CNTNAP2: variants seen among roughly 807,000 people sequenced by gnomAD.
CNTNAP2 encodes the protein contactin associated protein 2, also known as contactin-associated protein-like 2.
A neutral mutation model predicts 155.2 loss-of-function variants in CNTNAP2; 98 were observed. The observed-to-expected ratio is 0.63, with a 90% CI of 0.54 to 0.75. The LOEUF is 0.75. CNTNAP2 is among the 30% of genes least tolerant of loss of function. The pLI is 0.00. For synonymous variants in CNTNAP2, 651 were observed against 631.2 expected (o/e 1.03, Z -0.47); for missense variants, 1,727 against 1,688.1 (o/e 1.02, Z -0.40).
chr7:147,940,303 T>TAAAAAAAAAAAAAAAAAAAAAA (rs59484615), intron 14 of CNTNAP2: 1 of 91,694 alleles, frequency 1.1e-5, no homozygotes, highest in African/African-American at 3.8e-5. Flanking sequence ...CCTGTCTCTT[T>TAAAAAAAAAAAAAAAAAAAAAA]AAAAAAAAAA....
At chr7:146,484,193 G>C (rs932971185) in intron 1 of CNTNAP2, among the ~76,000 whole-genome samples, 1 of 152,154 alleles carries the variant, frequency 6.6e-6, no homozygotes, top group African/African-American at 2.4e-5. Context: ...ATATAGTCTA[G>C]GTGCGTAGTG....
chr7:148,409,830 TC>T (rs1563077696), intron 23 of CNTNAP2, among the ~76,000 whole-genome samples: 50 of 94,248 alleles, frequency 5.3e-4, no homozygotes, highest in Middle Eastern at 4.3e-3. Context: ...GGCGGGCGGA[TC>T]ACAAGGTCAG....
intron 3 of CNTNAP2, among the ~76,000 whole-genome samples, chr7:146,989,375 C>T (rs73463274): frequency 0.022 from 3,407 of 152,064 alleles, 111 homozygotes; most frequent in African/African-American, 0.078. Context: ...TGGCCAGTCA[C>T]TGGATACAGG....
chr7:147,263,337 G>A (rs536325899), intron 8 of CNTNAP2, among the ~76,000 whole-genome samples: 1 of 151,218 alleles, frequency 6.6e-6, no homozygotes, highest in African/African-American at 2.4e-5. Flanking sequence ...CTCCAGCCTG[G>A]GTGACAGAGG....
chr7:148,414,753 C>T (rs1481397595), intron 23 of CNTNAP2: 2 of 153,328 alleles, frequency 1.3e-5, no homozygotes, highest in African/African-American at 2.4e-5. Context: ...CAAACACCTT[C>T]AGCATGACCA....
At chr7:146,488,763 G>T (rs1797096164) in intron 1 of CNTNAP2, among the ~76,000 whole-genome samples, 1 of 152,068 alleles carries the variant, frequency 6.6e-6, no homozygotes, top group Non-Finnish European at 1.5e-5. Flanking sequence ...CAAGTAGCTG[G>T]GATTTCAGGC....
chr7:146,984,516 G>A (rs1038459361), intron 3 of CNTNAP2, among the ~76,000 whole-genome samples: 12 of 150,768 alleles, frequency 8.0e-5, no homozygotes, highest in Non-Finnish European at 5.9e-5. Flanking sequence ...CCCTTGGTGT[G>A]AAGAATGGCT....
chr7:146,335,553 A>C (rs1438110292), intron 1 of CNTNAP2, among the ~76,000 whole-genome samples: 5 of 152,144 alleles, frequency 3.3e-5, no homozygotes, highest in African/African-American at 1.2e-4. Context: ...TCTGTCTGAG[A>C]GCTACTGGAG....
At chr7:147,928,568 T>C (rs1800439178) in intron 14 of CNTNAP2, among the ~76,000 whole-genome samples, 1 of 152,138 alleles carries the variant, frequency 6.6e-6, no homozygotes, top group Non-Finnish European at 1.5e-5. Context: ...TGGGTAAAAA[T>C]GTCAGAAAAC....
At chr7:147,920,902 C>T (rs887195216) in intron 14 of CNTNAP2, among the ~76,000 whole-genome samples, 16 of 150,478 alleles carry the variant, frequency 1.1e-4, no homozygotes, top group Admixed American at 8.0e-4. Context: ...CTCTGCCTCC[C>T]GGGTTCAAGC....
chr7:146,648,164 G>A (rs909678115), intron 1 of CNTNAP2, among the ~76,000 whole-genome samples: 3 of 151,984 alleles, frequency 2.0e-5, no homozygotes, highest in Non-Finnish European at 4.4e-5. Context: ...ACCACTTCAG[G>A]GACTTAAATG....
At chr7:148,187,328 T>C (rs755155055) in intron 18 of CNTNAP2, among the ~76,000 whole-genome samples, 3 of 152,292 alleles carry the variant, frequency 2.0e-5, no homozygotes, top group Non-Finnish European at 2.9e-5. Context: ...TGTGACCAAA[T>C]AAATTCTTCT....
intron 1 of CNTNAP2, among the ~76,000 whole-genome samples, chr7:146,665,788 A>AAAAAAAAAAAAAAAAAAAAAAAAC (rs1328734569): frequency 1.1e-4 from 15 of 142,118 alleles, no homozygotes; most frequent in African/African-American, 4.1e-4. Context: ...CTCATTAAAA[A>AAAAAAAAAAAAAAAAAAAAAAAAC]AAAAAAAAAA....
chr7:148,320,742 C>T lies in CNTNAP2; in HGVS notation c.3475+53616C>T, dbSNP rs1458120463. ...CCACCTGTGCTAGACCCTGTGGTGA[C>T]AACAAAGGTGAAACAGACATGCTGA... is the stretch of plus-strand genomic sequence containing the variant. On this transcript the variant is annotated intron_variant, in intron 21 of 23. Transcript: ENST00000361727. Among the ~76,000 whole-genome samples, 3 of 151,924 alleles carry T rather than the reference C, an allele frequency of 2.0e-5. No individual in the cohort carries two copies. The East Asian group carries it at 5.8e-4, about 29-fold the overall frequency.
chr7:146,670,345 T>C (rs1800280553), intron 1 of CNTNAP2, among the ~76,000 whole-genome samples: 1 of 152,192 alleles, frequency 6.6e-6, no homozygotes, highest in South Asian at 2.1e-4. Flanking sequence ...CAATTTTGCC[T>C]GCACCTCATT....
intron 3 of CNTNAP2, among the ~76,000 whole-genome samples, chr7:146,841,174 T>C (rs1803714464): frequency 6.6e-6 from 1 of 152,184 alleles, no homozygotes; most frequent in African/African-American, 2.4e-5. Context: ...GCCTGGGCTT[T>C]GGGATTTTAA....
At chr7:147,888,271 C>G (rs1378346279) in intron 13 of CNTNAP2, among the ~76,000 whole-genome samples, 1 of 151,518 alleles carries the variant, frequency 6.6e-6, no homozygotes, top group Non-Finnish European at 1.5e-5. Context: ...TGAAAAAGAA[C>G]CAAATAAACA....
chr7:147,455,090 T>G (rs1159431087), intron 10 of CNTNAP2, among the ~76,000 whole-genome samples: 1 of 152,142 alleles, frequency 6.6e-6, no homozygotes. Context: ...ACTTTGACTT[T>G]CTGATCACCC....
chr7:147,981,819 T>TGTGTGTGTGTGTGTGTGTGTGG (rs1404450002), intron 15 of CNTNAP2, among the ~76,000 whole-genome samples: 6 of 113,744 alleles, frequency 5.3e-5, no homozygotes, highest in East Asian at 2.0e-4. Context: ...GTGTGTGTGG[T>TGTGTGTGTGTGTGTGTGTGTGG]TTTTTTTTTC....
Sources: gnomAD v4.1 joint callset for allele counts (sites outside exome capture counted in the v4.1 genomes callset) on GRCh38, gnomAD v4.1.1 for gene constraint, MANE v1.5 for transcripts, NCBI Gene and HGNC (gene_info 2026-07-23, HGNC 2026-07-21) for gene names.